The following NOVA1 variants were observed in gnomAD, a reference collection of about 807,000 sequenced individuals.
NOVA1 encodes RNA-binding protein Nova-1.
In NOVA1, 7 loss-of-function variants were observed where a neutral mutation model predicts 38.0. That is an observed-to-expected ratio of 0.18 (90% CI 0.10 to 0.35). The LOEUF (loss-of-function observed/expected upper bound fraction) is 0.35. NOVA1 is among the 10% of genes least tolerant of loss of function. NOVA1 has a pLI of 1.00. For missense variants in NOVA1, 460 were observed against 616.0 expected, an observed-to-expected ratio of 0.75 and a Z score of 2.68; for synonymous variants, 270 against 232.5, an observed-to-expected ratio of 1.16 and a Z score of -1.47.
At chr14:26,575,082 T>C (rs78349771) in intron 2 of NOVA1, among the ~76,000 whole-genome samples, 5,147 of 152,294 alleles carry the variant, frequency 0.034, 221 homozygotes, top group African/African-American at 0.099. Flanking sequence ...TTGACATCAA[T>C]ATAGGTTTTA....
At chr14:26,532,031 A>C (rs1889753491) in intron 2 of NOVA1, among the ~76,000 whole-genome samples, 1 of 152,212 alleles carries the variant, frequency 6.6e-6, no homozygotes, top group African/African-American at 2.4e-5. Context: ...TAAAATTTTA[A>C]AAAGACTGAC....
intron 2 of NOVA1, 67 bp from the exon 3 acceptor site, chr14:26,480,210 A>G: frequency 7.0e-7 from 1 of 1,428,542 alleles, no homozygotes; most frequent in Non-Finnish European, 9.5e-7. Flanking sequence ...ATGAAAAAGG[A>G]TGATATCATA....
At chr14:26,595,365 T>G (rs758789280) in intron 2 of NOVA1, 45 bp downstream of exon 2, 38 of 1,578,076 alleles carry the variant, frequency 2.4e-5, no homozygotes, top group African/African-American at 4.1e-5. Context: ...GATCTTTCTT[T>G]CCTGTGGGGA....
intron 2 of NOVA1, among the ~76,000 whole-genome samples, chr14:26,484,288 T>C (rs1357280631): frequency 6.6e-6 from 1 of 150,514 alleles, no homozygotes; most frequent in Non-Finnish European, 1.5e-5. Flanking sequence ...CAAAAAAAAA[T>C]AGCCGGGCAT....
chr14:26,490,945 G>T (rs1199546435), intron 2 of NOVA1, among the ~76,000 whole-genome samples: 1 of 148,108 alleles, frequency 6.8e-6, no homozygotes, highest in East Asian at 2.0e-4. Flanking sequence ...CACCTCCTGG[G>T]TTCCCGCCAT....
At chr14:26,583,920 CAT>C (rs1328089855) in intron 2 of NOVA1, among the ~76,000 whole-genome samples, 106 of 136,026 alleles carry the variant, frequency 7.8e-4, no homozygotes, top group African/African-American at 2.6e-3. Flanking sequence ...CACACACACA[CAT>C]ATATTGTATA....
intron 4 of NOVA1, among the ~76,000 whole-genome samples, chr14:26,463,608 A>C (rs1883881310): frequency 6.6e-6 from 1 of 152,098 alleles, no homozygotes; most frequent in South Asian, 2.1e-4. Context: ...ATTTTTTCCA[A>C]ATGTACTGTT....
chr14:26,593,648 T>C (rs1893998712), intron 2 of NOVA1: 1 of 151,938 alleles, frequency 6.6e-6, no homozygotes, highest in Non-Finnish European at 1.5e-5. Context: ...ATTCTTGCTC[T>C]ATACAAATAA....
intron 2 of NOVA1, among the ~76,000 whole-genome samples, chr14:26,587,392 G>C (rs541525262): frequency 2.0e-5 from 3 of 149,512 alleles, no homozygotes; most frequent in Non-Finnish European, 4.5e-5. Context: ...TATATTCCTC[G>C]AATGGAGAAA....
chr14:26,455,847 G>A (rs1160986767), intron 4 of NOVA1, among the ~76,000 whole-genome samples: 1 of 151,876 alleles, frequency 6.6e-6, no homozygotes, highest in Non-Finnish European at 1.5e-5. Context: ...AAAAAACTAT[G>A]AAGGTCATAT....
chr14:26,593,937 T>C (rs962792205), intron 2 of NOVA1: 25 of 151,930 alleles, frequency 1.6e-4, no homozygotes, highest in Admixed American at 7.9e-4. Context: ...TAATTTACCA[T>C]TGCAGCTCTT....
At chr14:26,458,986 TAAAG>T (rs1441291938) in intron 4 of NOVA1, among the ~76,000 whole-genome samples, 3 of 152,092 alleles carry the variant, frequency 2.0e-5, no homozygotes, top group Admixed American at 2.0e-4. Context: ...GGCTAATTAT[TAAAG>T]AAAGTTTATT....
intron 2 of NOVA1, among the ~76,000 whole-genome samples, 192 bp downstream of exon 2, chr14:26,595,218 C>CAAA: frequency 6.6e-6 from 1 of 152,224 alleles, no homozygotes; most frequent in Non-Finnish European, 1.5e-5. Context: ...CACGGTACAA[C>CAAA]AATTATAGGA....
intron 2 of NOVA1, among the ~76,000 whole-genome samples, chr14:26,483,128 T>C (rs967614576): frequency 6.6e-6 from 1 of 152,258 alleles, no homozygotes; most frequent in African/African-American, 2.4e-5. Context: ...CAGTATTAAA[T>C]GCTAAAAATG....
At chr14:26,514,997 T>C (rs992549505) in intron 2 of NOVA1, among the ~76,000 whole-genome samples, 2 of 151,930 alleles carry the variant, frequency 1.3e-5, no homozygotes, top group Non-Finnish European at 2.9e-5. Context: ...ATCTAATAAC[T>C]TTCCTGCTTT....
intron 1 of NOVA1, chr14:26,596,997 T>C (rs1894234812): frequency 8.1e-7 from 1 of 1,241,066 alleles, no homozygotes; most frequent in African/African-American, 1.5e-5. Context: ...CTTGCCCAGG[T>C]CTAGGATATT....
chr14:26,570,527 T>C (rs1892404885), intron 2 of NOVA1, among the ~76,000 whole-genome samples: 1 of 152,064 alleles, frequency 6.6e-6, no homozygotes, highest in African/African-American at 2.4e-5. Context: ...ACAAAAAGGG[T>C]TATCTAGCAT....
At chr14:26,480,974 G>C (rs1885409993) in intron 2 of NOVA1, among the ~76,000 whole-genome samples, 1 of 151,932 alleles carries the variant, frequency 6.6e-6, no homozygotes, top group Admixed American at 6.6e-5. Flanking sequence ...TATGATGCAA[G>C]ACAAGACTAA....
chr14:26,581,852 C>G (rs1893245926), intron 2 of NOVA1, among the ~76,000 whole-genome samples: 1 of 151,794 alleles, frequency 6.6e-6, no homozygotes, highest in Admixed American at 6.6e-5. Flanking sequence ...TAAACAGGTT[C>G]ATTATTAACT....
Sources: gnomAD v4.1 joint callset for allele counts (sites outside exome capture counted in the v4.1 genomes callset) on GRCh38, gnomAD v4.1.1 for gene constraint, MANE v1.5 for transcripts, NCBI Gene and HGNC (gene_info 2026-07-23, HGNC 2026-07-21) for gene names.